ADAMTSL1: variants seen among roughly 807,000 people sequenced by gnomAD.
The protein encoded by ADAMTSL1 is ADAMTS-like protein 1.
Under a neutral mutation model 201.8 loss-of-function variants are expected in ADAMTSL1, and 126 were observed. The ratio of observed to expected loss-of-function variants is 0.62; its 90% confidence interval spans 0.54 to 0.72. The LOEUF (loss-of-function observed/expected upper bound fraction) is 0.72, where lower values mean the gene tolerates loss of function less well. ADAMTSL1 is among the 30% of genes least tolerant of loss of function. The probability of loss-of-function intolerance (pLI) is 0.00; values close to 1 mark genes in which losing one functional copy is unlikely to be tolerated. For missense variants in ADAMTSL1, 2,679 were observed against 2,277.8 expected (o/e 1.18, Z -3.59); for synonymous variants, 1,121 against 903.4 (o/e 1.24, Z -4.32).
At chr9:18,688,145 C>T (rs992675857) in intron 13 of ADAMTSL1, among the ~76,000 whole-genome samples, 21 of 141,808 alleles carry the variant, frequency 1.5e-4, no homozygotes, top group African/African-American at 5.1e-4. Context: ...TATATAGAAA[C>T]GTAGTCTCAC....
intron 1 of ADAMTSL1, among the ~76,000 whole-genome samples, chr9:18,055,944 C>T (rs928547238): frequency 1.3e-5 from 2 of 152,186 alleles, no homozygotes; most frequent in African/African-American, 4.8e-5. Flanking sequence ...AAAATACGCT[C>T]ATTAATTTGA....
intron 2 of ADAMTSL1, among the ~76,000 whole-genome samples, chr9:18,169,154 C>T (rs1310291319): frequency 6.6e-6 from 1 of 150,554 alleles, no homozygotes; most frequent in African/African-American, 2.4e-5. Context: ...TCAATTTTGG[C>T]TTTTGTTGCC....
At chr9:18,652,284 A>G (rs909814313) in intron 7 of ADAMTSL1, among the ~76,000 whole-genome samples, 1 of 151,452 alleles carries the variant, frequency 6.6e-6, no homozygotes, top group African/African-American at 2.4e-5. Flanking sequence ...AGGCAGGAAA[A>G]TCGCTTGAAT....
intron 2 of ADAMTSL1, among the ~76,000 whole-genome samples, chr9:18,241,643 CAAAAAG>C (rs1305212078): frequency 6.6e-6 from 1 of 151,458 alleles, no homozygotes; most frequent in Non-Finnish European, 1.5e-5. Flanking sequence ...CTAGTCTAAA[CAAAAAG>C]GAAAAGGCTC....
At chr9:18,441,195 G>GA (rs149764721) in intron 2 of ADAMTSL1, among the ~76,000 whole-genome samples, 2,028 of 151,798 alleles carry the variant, frequency 0.013, 44 homozygotes, top group African/African-American at 0.046. Flanking sequence ...TTCTTTTGGG[G>GA]GTAATAAGAA....
intron 1 of ADAMTSL1, among the ~76,000 whole-genome samples, chr9:18,135,053 G>A (rs956323): frequency 0.4 from 61,177 of 152,044 alleles, 13,217 homozygotes; most frequent in South Asian, 0.48. Context: ...TTTTCTCATT[G>A]TTGATAATAC....
At chr9:17,923,157 G>GT (rs1239589673) in intron 1 of ADAMTSL1, among the ~76,000 whole-genome samples, 2 of 151,834 alleles carry the variant, frequency 1.3e-5, no homozygotes, top group African/African-American at 4.8e-5. Flanking sequence ...CTTTAAAGTA[G>GT]TTTTTTCCAA....
chr9:18,733,674 C>T (rs1818350064), intron 15 of ADAMTSL1, among the ~76,000 whole-genome samples: 1 of 147,086 alleles, frequency 6.8e-6, no homozygotes, highest in South Asian at 2.3e-4. Flanking sequence ...CTCTGCCCCC[C>T]ACCCCACTTC....
chr9:18,496,489 T>G (rs1345903053), intron 1 of ADAMTSL1, among the ~76,000 whole-genome samples: 1 of 152,150 alleles, frequency 6.6e-6, no homozygotes, highest in Non-Finnish European at 1.5e-5. Context: ...ACACCACATT[T>G]TTTTCTTGGC....
chr9:18,301,402 T>A (rs377529223), intron 2 of ADAMTSL1, among the ~76,000 whole-genome samples: 1 of 152,308 alleles, frequency 6.6e-6, no homozygotes, highest in African/African-American at 2.4e-5. Flanking sequence ...CCACTGGCGA[T>A]CTGTTCCATG....
At chr9:18,347,879 C>T (rs972646153) in intron 2 of ADAMTSL1, among the ~76,000 whole-genome samples, 3 of 152,096 alleles carry the variant, frequency 2.0e-5, no homozygotes, top group Non-Finnish European at 4.4e-5. Context: ...GATGTGGGCA[C>T]ATTCCCAAAA....
intron 2 of ADAMTSL1, among the ~76,000 whole-genome samples, chr9:18,464,584 G>A (rs765736101): frequency 3.3e-5 from 5 of 152,136 alleles, no homozygotes; most frequent in Non-Finnish European, 7.4e-5. Flanking sequence ...AAAATTTAAT[G>A]AGTTATGACA....
In ADAMTSL1 at chr9:18,433,336, G is replaced by A. The variant is rs532825809; in HGVS notation, c.208-71493G>A. On this transcript the variant is annotated intron_variant, in intron 2 of 29. Coordinates refer to the ADAMTSL1 transcript ENST00000680146. ...CGTTCTTTCCCCTAAAAGAATAAAT[G>A]TCTTTATGAAGTGAAACATAACAGA... Among the ~76,000 whole-genome samples, 121 of 152,090 alleles carry A rather than the reference G, an allele frequency of 8.0e-4. 3 individuals are homozygous for A. In the South Asian group the frequency reaches 0.022, roughly 28 times the overall value.
At chr9:18,614,094 A>C (rs2132623773) in intron 4 of ADAMTSL1, among the ~76,000 whole-genome samples, 1 of 152,298 alleles carries the variant, frequency 6.6e-6, no homozygotes, top group Non-Finnish European at 1.5e-5. Flanking sequence ...TTGTGTTTGA[A>C]GAACAGCAAA....
intron 2 of ADAMTSL1, among the ~76,000 whole-genome samples, chr9:18,180,551 A>AG (rs1027727592): frequency 4.0e-5 from 6 of 150,940 alleles, no homozygotes; most frequent in Non-Finnish European, 7.4e-5. Context: ...AAAAAAAAAA[A>AG]AAAATACCTA....
intron 15 of ADAMTSL1, among the ~76,000 whole-genome samples, chr9:18,725,875 AT>A (rs1817858402): frequency 6.6e-6 from 1 of 152,164 alleles, no homozygotes; most frequent in Admixed American, 6.5e-5. Context: ...ATGGGATTTT[AT>A]TTTGTATATT....
At position 18,281,449 on chromosome 9, in the gene ADAMTSL1, C is replaced by T. The variant is rs565823580; in HGVS notation, c.207+117468C>T. On this transcript the variant is annotated intron_variant, in intron 2 of 29. Transcript: ENST00000680146. ...AGTCAGCCACTGATCCGTGCACAGA[C>T]GATGAGAGGTCTCATGAAGCTTCGG... Among the ~76,000 whole-genome samples the T allele has an allele frequency of 2.0e-5, 3 of 152,234 alleles. No individual in the cohort carries two copies. In the East Asian group the frequency reaches 5.8e-4, roughly 29 times the overall value.
intron 2 of ADAMTSL1, among the ~76,000 whole-genome samples, chr9:18,447,932 G>T (rs954843182): frequency 6.6e-6 from 1 of 152,132 alleles, no homozygotes; most frequent in Non-Finnish European, 1.5e-5. Flanking sequence ...ATTTGGTTTG[G>T]TTTATGGGTT....
intron 1 of ADAMTSL1, among the ~76,000 whole-genome samples, chr9:18,025,634 A>T (rs568583737): frequency 2.0e-5 from 3 of 152,070 alleles, no homozygotes; most frequent in Admixed American, 2.0e-4. Context: ...GACCAGTACC[A>T]TGCTGTTTTG....
Sources: gnomAD v4.1 joint callset for allele counts (sites outside exome capture counted in the v4.1 genomes callset) on GRCh38, gnomAD v4.1.1 for gene constraint, MANE v1.5 for transcripts, NCBI Gene and HGNC (gene_info 2026-07-23, HGNC 2026-07-21) for gene names.